ADGRA1: variants seen among roughly 807,000 people sequenced by gnomAD.
ADGRA1 encodes G-protein coupled receptor 123.
In ADGRA1, 12 loss-of-function variants were observed where a neutral mutation model predicts 21.3. That is an observed-to-expected ratio of 0.56 (90% confidence interval 0.36 to 0.91). The LOEUF (loss-of-function observed/expected upper bound fraction) is 0.91. Among genes scored for constraint, ADGRA1 ranks in the 40% least tolerant of loss-of-function variants. The pLI is 0.01. For synonymous variants in ADGRA1, 385 were observed against 368.8 expected, an observed-to-expected ratio of 1.04 and a Z score of -0.50; for missense variants, 790 against 805.6, an observed-to-expected ratio of 0.98 and a Z score of 0.23.
chr10:133,090,321 C>T (rs1403051032), intron 2 of ADGRA1, among the ~76,000 whole-genome samples: 1 of 152,224 alleles, frequency 6.6e-6, no homozygotes, highest in Non-Finnish European at 1.5e-5. Flanking sequence ...ACCTCCTCGG[C>T]CCGGGGCCAC....
rs1852500495 is a variant in ADGRA1 at position 133,130,697 on chromosome 10, A to G, written c.*1186A>G. 1 of 151,746 alleles carries G rather than the reference A, an allele frequency of 6.6e-6. No homozygotes were observed. Among genetic ancestry groups the G allele is most frequent in the Admixed American group, 6.6e-5 (1 of 15,250 alleles). The allele number at this position is 151,746 out of a possible 1,614,324, so 9.4% of individuals were successfully genotyped here. ...GCATATCACACACATGCACACACAC[A>G]AACACATGTGCATATCACACACGCG... On this transcript the variant is annotated 3_prime_UTR_variant, in exon 7 of 7. Transcript: ENST00000392607.
intron 2 of ADGRA1, among the ~76,000 whole-genome samples, chr10:133,091,500 C>T (rs541948677): frequency 6.6e-6 from 1 of 152,214 alleles, no homozygotes; most frequent in Non-Finnish European, 1.5e-5. Flanking sequence ...AGGGTTCAGG[C>T]CCTGTGCCGA....
chr10:133,095,588 C>T (rs1851673580), intron 2 of ADGRA1: 3 of 1,523,290 alleles, frequency 2.0e-6, no homozygotes, highest in African/African-American at 1.4e-5. Context: ...CAGTGCTGTT[C>T]GAACCCTGGG....
At chr10:133,114,646 G>C (rs1485755569) in intron 5 of ADGRA1, among the ~76,000 whole-genome samples, 1 of 143,554 alleles carries the variant, frequency 7.0e-6, no homozygotes, top group Non-Finnish European at 1.5e-5. Flanking sequence ...GAGATACTTA[G>C]GCAAATGGAC....
At chr10:133,108,263 C>T (rs767322140) in intron 5 of ADGRA1, among the ~76,000 whole-genome samples, 3 of 152,252 alleles carry the variant, frequency 2.0e-5, no homozygotes, top group Non-Finnish European at 4.4e-5. Flanking sequence ...CTCGGGGCCT[C>T]CTGTGGGTGA....
chr10:133,091,482 G>A (rs1464952771), intron 2 of ADGRA1, among the ~76,000 whole-genome samples: 2 of 152,194 alleles, frequency 1.3e-5, no homozygotes, highest in East Asian at 1.9e-4. Context: ...TGAGCTCATC[G>A]TCCCTTCAGG....
chr10:133,129,406 C>T lies in ADGRA1; in HGVS notation c.1578C>T (p.Ser526=). 1.2e-6 allele frequency: 2 copies of T among 1,606,110 alleles called. No homozygotes were observed. Among genetic ancestry groups the T allele is most frequent in the African/African-American group, 1.3e-5 (1 of 75,034 alleles). The part of the protein sequence containing the change: ...RTQSLPFGGP[S]QNGLPKGKLL... Reference sequence around the variant, plus strand: ...AGTCCCTGCCCTTTGGTGGCCCCAGCCAGAACGGGCTGCCCAAGGGTAAAT... The same window carrying T: ...AGTCCCTGCCCTTTGGTGGCCCCAGTCAGAACGGGCTGCCCAAGGGTAAAT... Residue 526 remains serine, a synonymous_variant, in exon 7 of 7, where the codon AGC becomes AGT. Coordinates refer to ENST00000392607, the MANE Select transcript of ADGRA1 (RefSeq NM_001083909.3).
Position 133,128,431 on chromosome 10 carries a change from G to A in ADGRA1, c.603G>A (p.Leu201=). ...CVYFLGTYVQ[L]RRHPGRRYEL... ...ACTTCCTGGGCACCTACGTGCAGCT[G>A]CGGCGCCACCCAGGGCGCAGGTACG... The change falls in exon 7 of 7, where the codon CTG becomes CTA. Residue 201 remains leucine, a synonymous_variant. Transcript: ENST00000392607. The A allele has an allele frequency of 6.2e-7, 1 of 1,605,866 alleles. No homozygotes were observed. Among genetic ancestry groups the A allele is most frequent in the Non-Finnish European group, 8.5e-7 (1 of 1,177,166 alleles).
At chr10:133,125,058 G>A (rs572040030) in intron 5 of ADGRA1, among the ~76,000 whole-genome samples, 2 of 152,356 alleles carry the variant, frequency 1.3e-5, no homozygotes, top group South Asian at 2.1e-4. Flanking sequence ...CTGTCTTATC[G>A]TCTACTTTGC....
rs760282504 is a variant in ADGRA1, at chr10:133,129,130, C to G, written c.1302C>G (p.Pro434=). ...PYFSRHPAEE[P]EYAYHIPSSL... ...TTAGCCGGCACCCAGCAGAGGAGCC[C>G]GAGTACGCCTACCACATCCCATCCA... The change falls in exon 7 of 7, where the codon CCC becomes CCG. Residue 434 remains proline, a synonymous_variant. Transcript: ENST00000392607. 4 of 1,553,544 alleles carry G rather than the reference C, an allele frequency of 2.6e-6. No homozygotes were observed. Among genetic ancestry groups the G allele is most frequent in the Non-Finnish European group, 3.5e-6 (4 of 1,148,234 alleles).
At position 133,097,036 on chromosome 10, in the gene ADGRA1, C is replaced by T. The variant is rs113359644; in HGVS notation, c.66C>T (p.Tyr22=). Residue 22 remains tyrosine, a synonymous_variant, in exon 3 of 7, where the codon TAC becomes TAT. Transcript: ENST00000392607. ...GGGAGTTCCTGCACCCCGTGGTGTA[C>T]GCGTGCACGGCCGTCATGCTGCTCT... The part of the protein sequence containing the change: ...YPGEFLHPVV[Y]ACTAVMLLCL... The T allele has an allele frequency of 2.5e-5, 41 of 1,612,116 alleles. 1 individual carries two copies. The highest frequency in any genetic ancestry group is 3.3e-4 in the Middle Eastern group (2 of 6,062).
chr10:133,097,194 C>T, intron 3 of ADGRA1, 93 bp downstream of exon 3: 2 of 1,454,970 alleles, frequency 1.4e-6, no homozygotes, highest in Non-Finnish European at 1.9e-6. Context: ...CCACTGCCCC[C>T]TCATGTAGCA....
At chr10:133,094,884 C>T (rs541789111) in intron 2 of ADGRA1, among the ~76,000 whole-genome samples, 12 of 152,182 alleles carry the variant, frequency 7.9e-5, no homozygotes, top group Non-Finnish European at 1.6e-4. Context: ...CTCCCAGCAG[C>T]AGATAACTCA....
chr10:133,113,846 A>G (rs958105209), intron 5 of ADGRA1, among the ~76,000 whole-genome samples: 4 of 152,196 alleles, frequency 2.6e-5, no homozygotes, highest in African/African-American at 9.6e-5. Context: ...CCCCTTCCCC[A>G]TGTCCCTGTG....
In ADGRA1 at chr10:133,104,493, G is replaced by A. The variant is rs368321602; in HGVS notation, c.401+1651G>A. On this transcript the variant is annotated intron_variant, in intron 5 of 6. Transcript: ENST00000392607. ...TCTGTCCAGGTGCTGGGGGGCCAGCGGGCCCGGGGCTCGGCACTGACCGGC... is the reference window on the plus strand; with the variant it reads ...TCTGTCCAGGTGCTGGGGGGCCAGCAGGCCCGGGGCTCGGCACTGACCGGC... Among the ~76,000 whole-genome samples the A allele has an allele frequency of 1.2e-4, 19 of 152,270 alleles. 1 individual carries two copies. The highest frequency in any genetic ancestry group is 4.1e-4 in the African/African-American group (17 of 41,538).
chr10:133,101,642 G>T (rs553269467), intron 4 of ADGRA1, among the ~76,000 whole-genome samples: 2 of 152,218 alleles, frequency 1.3e-5, no homozygotes, highest in African/African-American at 4.8e-5. Context: ...ACCCGAGGCC[G>T]GGCTGTGGGG....
chr10:133,121,775 T>G (rs200693001), intron 5 of ADGRA1, among the ~76,000 whole-genome samples: 2,897 of 145,788 alleles, frequency 0.02, 40 homozygotes, highest in Non-Finnish European at 0.027. Context: ...CAAGTGTGAG[T>G]GTGCGTGTCG....
chr10:133,123,473 G>A (rs954758484), intron 5 of ADGRA1, among the ~76,000 whole-genome samples: 1 of 152,144 alleles, frequency 6.6e-6, no homozygotes, highest in Non-Finnish European at 1.5e-5. Flanking sequence ...TCCACACCAT[G>A]TCTCCTCCAC....
chr10:133,129,127 G>T lies in ADGRA1; in HGVS notation c.1299G>T (p.Glu433Asp). Reference protein sequence around the residue: ...PPYFSRHPAEEPEYAYHIPSS... With the variant: ...PPYFSRHPAEDPEYAYHIPSS... ...ACTTTAGCCGGCACCCAGCAGAGGAGCCCGAGTACGCCTACCACATCCCAT... is the reference window on the plus strand; with the variant it reads ...ACTTTAGCCGGCACCCAGCAGAGGATCCCGAGTACGCCTACCACATCCCAT... Residue 433 changes from glutamate to aspartate, a missense_variant, in exon 7 of 7, where the codon GAG (glutamate) becomes GAT (aspartate). Transcript: ENST00000392607. 1 of 1,553,286 alleles carries T rather than the reference G, an allele frequency of 6.4e-7. No individual in the cohort carries two copies. Among genetic ancestry groups the T allele is most frequent in the Admixed American group, 1.9e-5 (1 of 52,200 alleles).
Sources: allele counts gnomAD v4.1 joint callset (sites outside exome capture counted in the v4.1 genomes callset), GRCh38; gene constraint gnomAD v4.1.1; transcripts MANE v1.5; gene names NCBI Gene and HGNC (gene_info 2026-07-23, HGNC 2026-07-21).